Variants in CC2D1A observed in about 807,000 individuals in gnomAD.
CC2D1A encodes the protein coiled-coil and C2 domain-containing protein 1A.
In CC2D1A, 68 loss-of-function variants were observed where a neutral mutation model predicts 123.8. That is an observed-to-expected ratio of 0.55 (90% CI 0.45 to 0.67). CC2D1A has a LOEUF of 0.67. Among genes scored for constraint, CC2D1A ranks in the 30% least tolerant of loss-of-function variants. The probability of loss-of-function intolerance (pLI) is 0.00; values close to 1 mark genes in which losing one functional copy is unlikely to be tolerated. For synonymous variants in CC2D1A, 477 were observed against 528.0 expected, an observed-to-expected ratio of 0.90 and a Z score of 1.32; for missense variants, 1,185 against 1,290.3, an observed-to-expected ratio of 0.92 and a Z score of 1.25.
In CC2D1A at chr19:13,912,366, C is replaced by T. The variant is rs1403378934; in HGVS notation, c.240C>T (p.Cys80=). The T allele has an allele frequency of 6.2e-7, 1 of 1,612,890 alleles. No homozygotes were observed. Among genetic ancestry groups the T allele is most frequent in the Non-Finnish European group, 8.5e-7 (1 of 1,179,572 alleles). The change falls in exon 3 of 29, where the codon TGC becomes TGT. Residue 80 remains cysteine, a synonymous_variant. Coordinates refer to ENST00000318003, the MANE Select transcript of CC2D1A (RefSeq NM_017721.5). ...CCATTGAGAAGATGGCCAGCCTGTG[C>T]ATGAGAGACCCGGATGAGGATGAGG... The part of the protein sequence containing the change: ...MEAIEKMASL[C]MRDPDEDEEE...
Position 13,930,640 on chromosome 19 carries a change from C to G in CC2D1A, c.*245C>G. 1 of 547,804 alleles carries G rather than the reference C, an allele frequency of 1.8e-6. No individual in the cohort carries two copies. The highest frequency in any genetic ancestry group is 3.2e-6 in the Non-Finnish European group (1 of 312,418). The allele number at this position is 547,804 out of a possible 1,614,324, so 33.9% of individuals were successfully genotyped here. ...GCCCTGGAGAGTCCTGTTTGCACAG[C>G]CCAGGGGTGTCCGGCCTCTGGCCCG... On this transcript the variant is annotated 3_prime_UTR_variant, in exon 29 of 29. Transcript: ENST00000318003. The surrounding 1 kb of genome is among the most constrained non-coding windows in gnomAD (Gnocchi z 6.8).
intron 14 of CC2D1A, among the ~76,000 whole-genome samples, chr19:13,921,187 T>C (rs1464528448): frequency 4.6e-5 from 7 of 152,214 alleles, no homozygotes; most frequent in African/African-American, 1.7e-4. Context: ...GAGGGGGTTG[T>C]CCTTGTCCAC....
At chr19:13,917,398 G>A (rs973144024) in intron 6 of CC2D1A, among the ~76,000 whole-genome samples, 7 of 152,058 alleles carry the variant, frequency 4.6e-5, no homozygotes, top group Admixed American at 1.3e-4. Context: ...GCCTAAGCCC[G>A]GTGTCTGAGG....
intron 6 of CC2D1A, among the ~76,000 whole-genome samples, chr19:13,913,982 A>G (rs189452780): frequency 1.6e-3 from 246 of 152,026 alleles, no homozygotes; most frequent in Non-Finnish European, 2.4e-3. Context: ...CCCAAGTTCA[A>G]GCGATTCTCC....
Position 13,923,356 on chromosome 19 carries a change from G to A in CC2D1A, c.1665G>A (p.Lys555=). 1 of 1,610,088 alleles carries A rather than the reference G, an allele frequency of 6.2e-7. No individual in the cohort carries two copies. Among genetic ancestry groups the A allele is most frequent in the Non-Finnish European group, 8.5e-7 (1 of 1,179,878 alleles). The stretch of plus-strand genomic sequence containing the variant: ...AGGTGCCGCCTGCCCCTGTCAACAA[G>A]GACGACTTTGCCCTGGTCCAGCGGC... ...ITKVPPAPVN[K]DDFALVQRPG... The change falls in exon 15 of 29, where the codon AAG becomes AAA. Residue 555 remains lysine (K), a synonymous_variant. Transcript: ENST00000318003. This position sits in a 1 kb window ranked among gnomAD's most constrained non-coding sequence, Gnocchi z 5.3.
chr19:13,927,124 G>A, intron 21 of CC2D1A, 47 bp downstream of exon 21: 1 of 1,608,298 alleles, frequency 6.2e-7, no homozygotes. Context: ...CAGGGGAGGG[G>A]AGCTCCTCTG....
intron 11 of CC2D1A, 30 bp downstream of exon 11, chr19:13,919,232 A>AGTAGGCCCCGCCCCC (rs772670806): frequency 1.1e-5 from 17 of 1,553,802 alleles, no homozygotes; most frequent in South Asian, 4.6e-5. Flanking sequence ...GCCTCGCCCC[A>AGTAGGCCCCGCCCCC]GTAGGCCCCG....
In CC2D1A at chr19:13,918,959, A is replaced by G. The variant is rs1440402522; in HGVS notation, c.1066A>G (p.Met356Val). The G allele has an allele frequency of 1.9e-6, 3 of 1,610,628 alleles. No individual in the cohort carries two copies. The highest frequency in any genetic ancestry group is 1.3e-5 in the African/African-American group (1 of 74,836). ...RTLLEALEQR[M>V]ERYQVAAAQA... ...CCTGCTGGAGGCGCTGGAGCAGCGGATGGAGCGGTACCAGGTGGCCGCAGC... is the reference window on the plus strand; with the variant it reads ...CCTGCTGGAGGCGCTGGAGCAGCGGGTGGAGCGGTACCAGGTGGCCGCAGC... Residue 356 changes from methionine to valine, a missense_variant, in exon 10 of 29, where the codon ATG becomes GTG. Physicochemically the swap from Met to Val is conservative, Grantham distance 21. Transcript: ENST00000318003.
chr19:13,912,520 C>T lies in CC2D1A; in HGVS notation c.313-8C>T, dbSNP rs777060126. ...CTTATATCCTGCCCTGGCTGTGTGT[C>T]CCTGCAGGCGGAGCTAAATGAGGTC... On this transcript the variant is annotated splice_region_variant and splice_polypyrimidine_tract_variant and intron_variant, in intron 3 of 28. Transcript: ENST00000318003. 6 of 1,614,104 alleles carry T rather than the reference C, an allele frequency of 3.7e-6. No individual in the cohort carries two copies. The South Asian group carries it at 6.6e-5, about 18-fold the overall frequency.
At position 13,926,807 on chromosome 19, in the gene CC2D1A, C is replaced by T; in HGVS notation, c.2074-14C>T. The T allele has an allele frequency of 1.2e-6, 2 of 1,614,074 alleles. No individual in the cohort carries two copies. The highest frequency in any genetic ancestry group is 1.7e-6 in the Non-Finnish European group (2 of 1,180,016). ...CCAGGCCCCCTAGATTTCCTGCCTC[C>T]TCTCTGGTCATAGGAAGAAGCTCAG... is the stretch of plus-strand genomic sequence containing the variant. On this transcript the variant is annotated splice_polypyrimidine_tract_variant and intron_variant, in intron 19 of 28. Transcript: ENST00000318003.
At chr19:13,925,479 C>T (rs1971559846) in intron 17 of CC2D1A, among the ~76,000 whole-genome samples, 1 of 152,020 alleles carries the variant, frequency 6.6e-6, no homozygotes, top group Admixed American at 6.6e-5. Context: ...TCTTAGGAGG[C>T]TGAGGCAGGA....
chr19:13,928,063 C>T lies in CC2D1A; in HGVS notation c.2454+33C>T, dbSNP rs201676590. 2.4e-4 allele frequency: 388 copies of T among 1,613,046 alleles called. 2 individuals are homozygous for T. The African/African-American group carries it at 4.7e-3, about 20-fold the overall frequency. ...CCCCCACCCCCACCCATCAGCAACC[C>T]CAGGGAGGGAAGCTTGGTTCAGGGG... is the stretch of plus-strand genomic sequence containing the variant. On this transcript the variant is annotated intron_variant, in intron 23 of 28. Transcript: ENST00000318003.
At position 13,923,537 on chromosome 19, in the gene CC2D1A, T is replaced by A; in HGVS notation, c.1765-11T>A. 1.2e-6 allele frequency: 2 copies of A among 1,614,088 alleles called. No individual in the cohort carries two copies. The highest frequency in any genetic ancestry group is 1.7e-6 in the Non-Finnish European group (2 of 1,180,004). On this transcript the variant is annotated splice_polypyrimidine_tract_variant and intron_variant, in intron 15 of 28. Transcript: ENST00000318003. This position sits in a 1 kb window ranked among gnomAD's most constrained non-coding sequence, Gnocchi z 5.3. ...TCCCTTCCCTCGACTCACTGCCTTC[T>A]GTTTCCCCAGATGTGCCTGAACCAC...
Position 13,913,180 on chromosome 19 carries a change from G to A in CC2D1A, c.391G>A (p.Ala131Thr). ...TGCCCTCCCACAGCCGAAGCCTGAGGCCCCTCATCCGGGGCTGGAGACCAC... is the reference window on the plus strand; with the variant it reads ...TGCCCTCCCACAGCCGAAGCCTGAGACCCCTCATCCGGGGCTGGAGACCAC... ...PPPVAQPKPE[A>T]PHPGLETTLQ... The change falls in exon 5 of 29, where the codon GCC becomes ACC. Residue 131 changes from alanine to threonine, a missense_variant. Physicochemically the swap from Ala to Thr is moderately conservative, Grantham distance 58. Transcript: ENST00000318003. 1.2e-6 allele frequency: 2 copies of A among 1,610,744 alleles called. No individual in the cohort carries two copies. Among genetic ancestry groups the A allele is most frequent in the Admixed American group, 1.7e-5 (1 of 59,354 alleles).
intron 24 of CC2D1A, 140 bp downstream of exon 24, chr19:13,928,328 G>C (rs1272211219): frequency 1.4e-6 from 1 of 719,022 alleles, no homozygotes; most frequent in East Asian, 2.7e-5. Context: ...TTTTCCCAGA[G>C]GATCCAGTTT....
chr19:13,912,207 G>A (rs1415947544), intron 2 of CC2D1A, 116 bp from the exon 3 acceptor site: 7 of 1,191,338 alleles, frequency 5.9e-6, no homozygotes, highest in Non-Finnish European at 8.1e-6. Flanking sequence ...GCTGAATAAG[G>A]AAGAGATGAA....
chr19:13,924,658 C>T (rs932567157), intron 17 of CC2D1A, among the ~76,000 whole-genome samples: 15 of 152,134 alleles, frequency 9.9e-5, no homozygotes, highest in Admixed American at 3.3e-4. Context: ...TTAGTAGAGA[C>T]GGGGTTTCAT....
Position 13,913,151 on chromosome 19 carries a change from C to T in CC2D1A, c.379-17C>T. On this transcript the variant is annotated splice_polypyrimidine_tract_variant and intron_variant, in intron 4 of 28. Transcript: ENST00000318003. ...AAGTGGGGTCACCACCCACACTGTG[C>T]CCCTGCCCTCCCACAGCCGAAGCCT... 7 of 1,591,464 alleles carry T rather than the reference C, an allele frequency of 4.4e-6. No homozygotes were observed. Among genetic ancestry groups the T allele is most frequent in the Non-Finnish European group, 6.0e-6 (7 of 1,170,598 alleles).
At chr19:13,918,431 G>T in intron 7 of CC2D1A, 73 bp from the exon 8 acceptor site, 1 of 1,437,518 alleles carries the variant, frequency 7.0e-7, no homozygotes, top group East Asian at 2.4e-5. Context: ...GGCATGGAAG[G>T]GCCCGGAGGC....
Sources: allele counts gnomAD v4.1 joint callset (sites outside exome capture counted in the v4.1 genomes callset), GRCh38; gene constraint gnomAD v4.1.1; non-coding constraint Gnocchi (gnomAD v3.1); transcripts MANE v1.5; gene names NCBI Gene and HGNC (gene_info 2026-07-23, HGNC 2026-07-21).